Variants in BRWD1 observed in about 807,000 individuals in gnomAD.
BRWD1 encodes the protein bromodomain and WD repeat-containing protein 1.
In BRWD1, 82 loss-of-function variants were observed where a neutral mutation model predicts 251.2. The ratio of observed to expected loss-of-function variants is 0.33; its 90% CI spans 0.27 to 0.39. The LOEUF is 0.39. BRWD1 is among the 10% of genes least tolerant of loss of function. BRWD1 has a pLI of 1.00. For missense variants in BRWD1, 2,233 were observed against 2,711.6 expected, an observed-to-expected ratio of 0.82 and a Z score of 3.92; for synonymous variants, 918 against 902.8, an observed-to-expected ratio of 1.02 and a Z score of -0.30.
Position 39,228,559 on chromosome 21 carries a change from A to G in BRWD1, c.3149T>C (p.Ile1050Thr). 2.5e-6 allele frequency: 4 copies of G among 1,612,652 alleles called. No individual in the cohort carries two copies. Among genetic ancestry groups the G allele is most frequent in the Non-Finnish European group, 2.5e-6 (3 of 1,178,932 alleles). The change falls in exon 27 of 41, where the codon ATT becomes ACT. Residue 1050 changes from isoleucine (I) to threonine (T), a missense_variant. Ile to Thr is a moderately conservative substitution (Grantham distance 89). Transcript: ENST00000342449. ...AAATTGACGCAATACAAGAAAGTCA[A>G]TAACATCTGGCATATCATGATATCT... ...SIRYHDMPDV[I>T]DFLVLRQFYD...
intron 31 of BRWD1, chr21:39,216,618 G>T (rs983933463): frequency 2.8e-5 from 8 of 283,582 alleles, no homozygotes; most frequent in Non-Finnish European, 4.2e-5. Context: ...AGAAAGGCCA[G>T]AAGTATATGA....
intron 29 of BRWD1, among the ~76,000 whole-genome samples, chr21:39,224,084 A>G (rs1177195680): frequency 6.6e-6 from 1 of 152,174 alleles, no homozygotes; most frequent in Non-Finnish European, 1.5e-5. Context: ...TCCTGATCTC[A>G]GGTGATCCAT....
rs143320174 is a variant in BRWD1, at chr21:39,258,646, T to A, written c.1912A>T (p.Ile638Leu). 1.9e-6 allele frequency: 3 copies of A among 1,605,232 alleles called. No individual in the cohort carries two copies. Among genetic ancestry groups the A allele is most frequent in the Non-Finnish European group, 1.7e-6 (2 of 1,175,618 alleles). Residue 638 changes from isoleucine to leucine, a missense_variant, in exon 18 of 41, where the codon ATA becomes TTA. Around this residue, in one of 12 missense-constraint regions of BRWD1, gnomAD observed 315 missense variants for 421.8 expected, o/e 0.75. Transcript: ENST00000342449. ...TCATTATCATTGGTTTGCAGGCTTA[T>A]AATTTGTTCAATCACCTCTCCATCA... is the stretch of plus-strand genomic sequence containing the variant. ...TSDGEVIEQIISLQTNDNDER... is the reference protein window; with the variant it reads ...TSDGEVIEQILSLQTNDNDER...
chr21:39,312,922 A>G, intron 3 of BRWD1, 22 bp from the exon 4 acceptor site: 1 of 1,130,340 alleles, frequency 8.8e-7, no homozygotes, highest in Non-Finnish European at 1.1e-6. Context: ...CGAAACGCAC[A>G]CGAGTGACCA....
At chr21:39,314,462 C>T (rs560508915), upstream of BRWD1, 56 of 386,046 alleles carry the variant, frequency 1.5e-4, no homozygotes, top group African/African-American at 1.1e-3. Context: ...GCAGACGGGC[C>T]GCAGACCCTC....
chr21:39,240,743 G>C (rs114433572), intron 21 of BRWD1, among the ~76,000 whole-genome samples: 15 of 152,300 alleles, frequency 9.8e-5, no homozygotes, highest in African/African-American at 3.6e-4. Flanking sequence ...AAAATGTCAA[G>C]TGTGGGACTA....
chr21:39,301,495 T>C (rs2036111895), intron 4 of BRWD1, among the ~76,000 whole-genome samples: 1 of 151,910 alleles, frequency 6.6e-6, no homozygotes, highest in Non-Finnish European at 1.5e-5. Context: ...CAAACAACCC[T>C]CCAGGAACCG....
At chr21:39,281,830 T>C (rs1435752974) in intron 8 of BRWD1, among the ~76,000 whole-genome samples, 1 of 151,688 alleles carries the variant, frequency 6.6e-6, no homozygotes, top group Non-Finnish European at 1.5e-5. Flanking sequence ...ATGGCGCCAC[T>C]GCACTCCAGC....
intron 12 of BRWD1, among the ~76,000 whole-genome samples, chr21:39,275,706 CCATAAA>C (rs1479019009): frequency 6.6e-6 from 1 of 152,110 alleles, no homozygotes; most frequent in African/African-American, 2.4e-5. Flanking sequence ...TGTACTTACT[CCATAAA>C]CATAGACAAT....
At chr21:39,210,531 G>A (rs530333562) in intron 35 of BRWD1, among the ~76,000 whole-genome samples, 15 of 152,072 alleles carry the variant, frequency 9.9e-5, no homozygotes, top group Non-Finnish European at 2.2e-4. Context: ...TACTTAGATA[G>A]AAATCTAAGT....
rs1165691387 is a variant in BRWD1 at position 39,186,605 on chromosome 21, G to C, written c.*9654C>G. The C allele has an allele frequency of 6.5e-6, 1 of 152,992 alleles. No individual in the cohort carries two copies. Among genetic ancestry groups the C allele is most frequent in the Non-Finnish European group, 1.5e-5 (1 of 68,718 alleles). The allele number at this position is 152,992 out of a possible 1,614,324, so 9.5% of individuals were successfully genotyped here. A position where few individuals can be genotyped will look rare whatever the true frequency, so the allele number is the denominator to read the frequency against. ...TTTTCCTCATGACACCATAGTTGTCGTGGTCTGAATTTTTACACTGTAATG... is the reference window on the plus strand; with the variant it reads ...TTTTCCTCATGACACCATAGTTGTCCTGGTCTGAATTTTTACACTGTAATG... On this transcript the variant is annotated 3_prime_UTR_variant, in exon 41 of 41. Coordinates refer to ENST00000342449, the MANE Select transcript of BRWD1 (RefSeq NM_033656.4).
chr21:39,292,985 G>T (rs1336617453), intron 8 of BRWD1, among the ~76,000 whole-genome samples: 2 of 152,024 alleles, frequency 1.3e-5, no homozygotes, highest in Non-Finnish European at 2.9e-5. Context: ...AAAAAAAGTG[G>T]GGAGGGGAAT....
chr21:39,200,300 G>A lies in BRWD1; in HGVS notation c.4672C>T (p.Arg1558Cys), dbSNP rs374423396. 47 of 1,613,976 alleles carry A rather than the reference G, an allele frequency of 2.9e-5. No individual in the cohort carries two copies. Among genetic ancestry groups the A allele is most frequent in the African/African-American group, 5.3e-5 (4 of 74,902 alleles). Residue 1558 changes from arginine to cysteine, a missense_variant, in exon 39 of 41, where the codon CGT (arginine) becomes TGT (cysteine). Around this residue, in one of 12 missense-constraint regions of BRWD1, gnomAD observed 928 missense variants for 970.0 expected, o/e 0.96. Transcript: ENST00000342449. ...AGCCCACTGCGTGAGGAGGATTCAC[G>A]AGCTCTGGAACTCTCTTTGCTTTCC... ...SEESKESSRA[R>C]ESSSRSGLSR...
chr21:39,241,792 G>A (rs1482429113), intron 21 of BRWD1, among the ~76,000 whole-genome samples: 1 of 152,058 alleles, frequency 6.6e-6, no homozygotes, highest in Non-Finnish European at 1.5e-5. Flanking sequence ...TAAACAGCAT[G>A]AGCTCATTCT....
chr21:39,291,549 T>C (rs2035807389), intron 8 of BRWD1, among the ~76,000 whole-genome samples: 1 of 152,144 alleles, frequency 6.6e-6, no homozygotes, highest in South Asian at 2.1e-4. Context: ...CCCACTGGCC[T>C]ATACTCGCTG....
At chr21:39,217,935 GA>G (rs201590471) in intron 31 of BRWD1, among the ~76,000 whole-genome samples, 2 of 148,366 alleles carry the variant, frequency 1.3e-5, no homozygotes, top group Admixed American at 6.7e-5. Context: ...AATAATCACT[GA>G]AAAAAAAACG....
At chr21:39,233,620 C>T (rs1159853490) in intron 23 of BRWD1, among the ~76,000 whole-genome samples, 1 of 152,150 alleles carries the variant, frequency 6.6e-6, no homozygotes, top group Non-Finnish European at 1.5e-5. Context: ...TAAGTGTTGC[C>T]GTGAGATTCT....
intron 15 of BRWD1, among the ~76,000 whole-genome samples, chr21:39,266,719 T>A (rs891082950): frequency 6.6e-6 from 1 of 152,172 alleles, no homozygotes; most frequent in African/African-American, 2.4e-5. Context: ...TGGAGAAAAA[T>A]GTCACATTAA....
At chr21:39,297,938 A>C in intron 5 of BRWD1, 2 of 985,164 alleles carry the variant, frequency 2.0e-6, no homozygotes, top group Non-Finnish European at 2.4e-6. Context: ...ATAACTTGGC[A>C]AAAAAATTAA....
Sources: gnomAD v4.1 joint callset for allele counts (sites outside exome capture counted in the v4.1 genomes callset) on GRCh38, gnomAD v4.1.1 for gene constraint, gnomAD v4.1.1 regional missense constraint, MANE v1.5 for transcripts, NCBI Gene and HGNC (gene_info 2026-07-23, HGNC 2026-07-21) for gene names.